Variants in ADGRA1 observed in about 807,000 individuals in gnomAD.
The protein encoded by ADGRA1 is G-protein coupled receptor 123.
ADGRA1 carries 12 observed loss-of-function variants against 21.3 expected under a neutral mutation model. The observed-to-expected ratio is 0.56, with a 90% CI of 0.36 to 0.91. The LOEUF (loss-of-function observed/expected upper bound fraction) is 0.91. ADGRA1 is among the 40% of genes least tolerant of loss of function. The pLI is 0.01. For synonymous variants in ADGRA1, 385 were observed against 368.8 expected, an observed-to-expected ratio of 1.04 and a Z score of -0.50; for missense variants, 790 against 805.6, an observed-to-expected ratio of 0.98 and a Z score of 0.23.
At position 133,128,895 on chromosome 10, in the gene ADGRA1, C is replaced by T. The variant is rs1414583313; in HGVS notation, c.1067C>T (p.Ala356Val). 3.2e-6 allele frequency: 5 copies of T among 1,558,646 alleles called. No individual in the cohort carries two copies. The highest frequency in any genetic ancestry group is 2.7e-5 in the African/African-American group (2 of 73,894). Residue 356 changes from alanine (A) to valine (V), a missense_variant, in exon 7 of 7, where the codon GCG (alanine) becomes GTG (valine). Physicochemically the swap from Ala to Val is moderately conservative, Grantham distance 64. Transcript: ENST00000392607. ...SPGLGQPRGF[A>V]HPPGPCKMTN... ...GGACTGGGCCAGCCACGGGGCTTCG[C>T]GCACCCACCGGGCCCCTGCAAGATG...
At chr10:133,101,847 A>G (rs1428894762) in intron 4 of ADGRA1, among the ~76,000 whole-genome samples, 1 of 152,060 alleles carries the variant, frequency 6.6e-6, no homozygotes, top group African/African-American at 2.4e-5. Flanking sequence ...CTCACCTGAA[A>G]CTGCAAACGC....
rs1031600789 is a variant in ADGRA1, at chr10:133,124,065, C to T, written c.402-3168C>T. Among the ~76,000 whole-genome samples, 43 of 152,188 alleles carry T rather than the reference C, an allele frequency of 2.8e-4. 1 individual carries two copies. Among genetic ancestry groups the T allele is most frequent in the Admixed American group, 2.3e-3 (35 of 15,278 alleles). On this transcript the variant is annotated intron_variant, in intron 5 of 6. Coordinates refer to ENST00000392607, the MANE Select transcript of ADGRA1 (RefSeq NM_001083909.3). ...ATCTACCTGCCCCGGCACTGATGGC[C>T]GCTCCTCCCTCACTTGGCACTGGGT...
At chr10:133,122,882 C>T (rs372468757) in intron 5 of ADGRA1, among the ~76,000 whole-genome samples, 4 of 152,232 alleles carry the variant, frequency 2.6e-5, no homozygotes, top group Non-Finnish European at 5.9e-5. Flanking sequence ...GCACTGGCTT[C>T]GAGCTGTGTG....
rs147519496 is a variant in ADGRA1 at position 133,131,379 on chromosome 10, G to T, written c.*1868G>T. 6.6e-6 allele frequency: 1 copy of T among 152,314 alleles called. No individual in the cohort carries two copies. Among genetic ancestry groups the T allele is most frequent in the African/African-American group, 2.4e-5 (1 of 41,468 alleles). The allele number at this position is 152,314 out of a possible 1,614,324, so 9.4% of individuals were successfully genotyped here. A position where few individuals can be genotyped will look rare whatever the true frequency, so the allele number is the denominator to read the frequency against. On this transcript the variant is annotated 3_prime_UTR_variant, in exon 7 of 7. Coordinates refer to ENST00000392607, the MANE Select transcript of ADGRA1 (RefSeq NM_001083909.3). ...CGAATCCCCACGCTGTGCTGTGTAC[G>T]CACTGTAGGTGCAGAACCGTCCACA...
chr10:133,121,451 G>A (rs1333581955), intron 5 of ADGRA1, among the ~76,000 whole-genome samples: 1 of 145,852 alleles, frequency 6.9e-6, no homozygotes, highest in African/African-American at 2.5e-5. Flanking sequence ...GTGCGTGTGC[G>A]TGGAGTGTGT....
chr10:133,110,241 C>T (rs1851963593), intron 5 of ADGRA1, among the ~76,000 whole-genome samples: 2 of 152,284 alleles, frequency 1.3e-5, no homozygotes, highest in Admixed American at 1.3e-4. Context: ...CCCCGCACTT[C>T]TGCCCAGGAG....
At chr10:133,103,996 G>C (rs1851847139) in intron 5 of ADGRA1, among the ~76,000 whole-genome samples, 1 of 152,224 alleles carries the variant, frequency 6.6e-6, no homozygotes, top group African/African-American at 2.4e-5. Flanking sequence ...AGGGGGTCTT[G>C]GAGGACATTC....
chr10:133,099,342 G>T lies in ADGRA1; in HGVS notation c.255+579G>T, dbSNP rs1379713860. Among the ~76,000 whole-genome samples, 3 of 152,182 alleles carry T rather than the reference G, an allele frequency of 2.0e-5. No homozygotes were observed. In the East Asian group the frequency reaches 5.8e-4, roughly 29 times the overall value. On this transcript the variant is annotated intron_variant, in intron 4 of 6. Transcript: ENST00000392607. ...AGCTCGAGGAGGGGCACACACTCCG[G>T]TCCAGGGAGGAACCTGCAGATGCTG...
At chr10:133,127,873 C>A (rs1175083378) in intron 6 of ADGRA1, among the ~76,000 whole-genome samples, 2 of 130,736 alleles carry the variant, frequency 1.5e-5, no homozygotes, top group African/African-American at 6.0e-5. Context: ...CCAGCTCCAC[C>A]TCCGCCTGGC....
chr10:133,093,181 G>A, intron 2 of ADGRA1: 1 of 1,595,280 alleles, frequency 6.3e-7, no homozygotes. Context: ...TCACCCGCAG[G>A]GAGGAAGATT....
chr10:133,097,199 G>A, intron 3 of ADGRA1, 98 bp downstream of exon 3: 4 of 1,429,196 alleles, frequency 2.8e-6, no homozygotes, highest in Admixed American at 3.5e-5. Flanking sequence ...GCCCCCTCAT[G>A]TAGCAAGAAG....
Position 133,112,900 on chromosome 10 carries a change from G to A in ADGRA1, c.401+10058G>A, listed in dbSNP as rs1218230289. Reference sequence around the variant, plus strand: ...TGGGGTCTGCGGGCCGCGTCAGTTCGGTTATTTGGGGTCTGTAAGCTGTGT... The same window carrying A: ...TGGGGTCTGCGGGCCGCGTCAGTTCAGTTATTTGGGGTCTGTAAGCTGTGT... On this transcript the variant is annotated intron_variant, in intron 5 of 6. Transcript: ENST00000392607. Among the ~76,000 whole-genome samples, 13 of 127,250 alleles carry A rather than the reference G, an allele frequency of 1.0e-4. 1 individual carries two copies. The highest frequency in any genetic ancestry group is 2.9e-4 in the South Asian group (1 of 3,504). 83.5% of individuals were successfully genotyped at this position (127,250 alleles called of 152,430 possible).
intron 5 of ADGRA1, among the ~76,000 whole-genome samples, chr10:133,125,662 C>G (rs1852364092): frequency 6.6e-6 from 1 of 152,100 alleles, no homozygotes; most frequent in Non-Finnish European, 1.5e-5. Flanking sequence ...GTCTCCTGAC[C>G]TCGTGATCTG....
At position 133,095,700 on chromosome 10, in the gene ADGRA1, T is replaced by G. The variant is rs756102093; in HGVS notation, c.4-1274T>G. The G allele has an allele frequency of 3.1e-6, 5 of 1,597,932 alleles. No individual in the cohort carries two copies. The South Asian group carries it at 5.5e-5, about 18-fold the overall frequency. On this transcript the variant is annotated intron_variant, in intron 2 of 6. Transcript: ENST00000392607. ...CTCTCTAGCCAGCCAGGGCCTCGTCTTGGCTGGACGGACAAGAAGTGTGGC... is the reference window on the plus strand; with the variant it reads ...CTCTCTAGCCAGCCAGGGCCTCGTCGTGGCTGGACGGACAAGAAGTGTGGC...
In ADGRA1 at chr10:133,095,651, A is replaced by G; in HGVS notation, c.4-1323A>G. On this transcript the variant is annotated intron_variant, in intron 2 of 6. Transcript: ENST00000392607. ...GTCAGCCAGTCCCTTGGCTCCCCAG[A>G]GCACCCTCTGTCCACGGTGGACACT... The G allele has an allele frequency of 1.9e-6, 3 of 1,593,760 alleles. No individual in the cohort carries two copies. In the South Asian group the frequency reaches 3.3e-5, roughly 18 times the overall value.
At chr10:133,094,427 C>T (rs914611364) in intron 2 of ADGRA1, among the ~76,000 whole-genome samples, 2 of 152,234 alleles carry the variant, frequency 1.3e-5, no homozygotes, top group African/African-American at 2.4e-5. Context: ...CTGCCATCTG[C>T]GCCTCCGCCC....
At chr10:133,109,611 A>G (rs566133952) in intron 5 of ADGRA1, among the ~76,000 whole-genome samples, 19 of 151,854 alleles carry the variant, frequency 1.3e-4, no homozygotes, top group African/African-American at 4.3e-4. Flanking sequence ...TGAGACCCCG[A>G]CCTTCTGCCC....
At chr10:133,121,070 C>A (rs1852244827) in intron 5 of ADGRA1, among the ~76,000 whole-genome samples, 1 of 152,148 alleles carries the variant, frequency 6.6e-6, no homozygotes, top group African/African-American at 2.4e-5. Context: ...GGACATTTAC[C>A]CACTAAGTTC....
intron 5 of ADGRA1, among the ~76,000 whole-genome samples, chr10:133,112,697 C>T (rs1372524657): frequency 3.3e-4 from 14 of 42,374 alleles, no homozygotes; most frequent in Non-Finnish European, 4.1e-4. Context: ...CTACGGGCCA[C>T]GTCAGTTATT....
Sources: allele counts gnomAD v4.1 joint callset (sites outside exome capture counted in the v4.1 genomes callset), GRCh38; gene constraint gnomAD v4.1.1; transcripts MANE v1.5; gene names NCBI Gene and HGNC (gene_info 2026-07-23, HGNC 2026-07-21).